Variants in OPCML observed in about 807,000 individuals in gnomAD.
OPCML encodes opioid-binding protein/cell adhesion molecule.
In OPCML, 13 loss-of-function variants were observed where a neutral mutation model predicts 37.8. The ratio of observed to expected loss-of-function variants is 0.34; its 90% confidence interval spans 0.22 to 0.55. OPCML has a LOEUF of 0.55. Ranked by LOEUF, OPCML falls within the 20% of genes least tolerant of loss-of-function variation. The probability of loss-of-function intolerance (pLI) is 0.91; values close to 1 mark genes in which losing one functional copy is unlikely to be tolerated. For missense variants in OPCML, 341 were observed against 435.6 expected (o/e 0.78, Z 1.93); for synonymous variants, 176 against 168.8 (o/e 1.04, Z -0.33).
At chr11:133,243,058 C>T (rs1940788944) in intron 1 of OPCML, among the ~76,000 whole-genome samples, 1 of 152,154 alleles carries the variant, frequency 6.6e-6, no homozygotes, top group Admixed American at 6.5e-5. Flanking sequence ...ATGGGGAGCT[C>T]ATCGTGTGTT....
intron 2 of OPCML, among the ~76,000 whole-genome samples, chr11:132,700,532 T>A (rs573448697): frequency 3.9e-5 from 6 of 152,186 alleles, no homozygotes; most frequent in Non-Finnish European, 5.9e-5. Flanking sequence ...TTTGATTTCT[T>A]CTTTGACCCC....
chr11:132,599,644 A>T (rs543563098), intron 3 of OPCML, among the ~76,000 whole-genome samples: 1 of 152,226 alleles, frequency 6.6e-6, no homozygotes, highest in Non-Finnish European at 1.5e-5. Flanking sequence ...AGAAGCCCCG[A>T]GTGCCTACAC....
intron 1 of OPCML, among the ~76,000 whole-genome samples, chr11:133,278,321 C>CT (rs1942048773): frequency 6.6e-6 from 1 of 151,926 alleles, no homozygotes; most frequent in Non-Finnish European, 1.5e-5. Flanking sequence ...TTTTCTTTTT[C>CT]TTTTTTAGGG....
intron 2 of OPCML, among the ~76,000 whole-genome samples, chr11:132,887,544 C>A (rs1300992144): frequency 6.6e-6 from 1 of 152,186 alleles, no homozygotes; most frequent in Admixed American, 6.5e-5. Context: ...GAGTGTGACT[C>A]CAGCCCGGCC....
intron 3 of OPCML, among the ~76,000 whole-genome samples, chr11:132,550,865 C>T (rs777915037): frequency 1.3e-5 from 2 of 152,186 alleles, no homozygotes; most frequent in Admixed American, 6.5e-5. Flanking sequence ...TGAACAGGAC[C>T]ATGATGTCCC....
chr11:132,663,515 C>T (rs1030392303), intron 2 of OPCML, among the ~76,000 whole-genome samples: 1 of 152,130 alleles, frequency 6.6e-6, no homozygotes, highest in African/African-American at 2.4e-5. Flanking sequence ...GGTATGACAA[C>T]AATTAAATTT....
Position 133,045,748 on chromosome 11 carries a change from C to T in OPCML, c.62-102738G>A, listed in dbSNP as rs562885328. On this transcript the variant is annotated intron_variant, in intron 1 of 7. Coordinates refer to ENST00000524381, the MANE Select transcript of OPCML (RefSeq NM_001012393.5). The stretch of plus-strand genomic sequence containing the variant: ...TCTTCTAGCATGTTAGAGACATTTA[C>T]TCAGGACTTCTCTAAATTAGCTGAG... Among the ~76,000 whole-genome samples the T allele has an allele frequency of 5.3e-5, 8 of 152,320 alleles. 1 individual carries two copies. The South Asian group carries it at 1.7e-3, about 32-fold the overall frequency.
chr11:133,126,011 C>T (rs2137125883), intron 1 of OPCML, among the ~76,000 whole-genome samples: 1 of 149,580 alleles, frequency 6.7e-6, no homozygotes, highest in South Asian at 2.1e-4. Flanking sequence ...TGTATAGACA[C>T]ATATGTGTAT....
chr11:133,132,409 G>A (rs1337516526), intron 1 of OPCML, among the ~76,000 whole-genome samples: 3 of 152,146 alleles, frequency 2.0e-5, no homozygotes, highest in Admixed American at 6.5e-5. Flanking sequence ...GGAGGACTCT[G>A]TCCTCTCATA....
intron 2 of OPCML, among the ~76,000 whole-genome samples, chr11:132,658,291 T>G (rs73593159): frequency 2.6e-5 from 4 of 152,264 alleles, no homozygotes; most frequent in Admixed American, 2.0e-4. Context: ...GAGGAGGGAC[T>G]TGAGTCCAGC....
chr11:133,115,310 A>C (rs1472991874), intron 1 of OPCML, among the ~76,000 whole-genome samples: 1 of 152,210 alleles, frequency 6.6e-6, no homozygotes, highest in Non-Finnish European at 1.5e-5. Flanking sequence ...CAGGACCTAC[A>C]GGGTGTTTGC....
chr11:132,714,523 C>T (rs761267534), intron 2 of OPCML, among the ~76,000 whole-genome samples: 1 of 152,182 alleles, frequency 6.6e-6, no homozygotes, highest in African/African-American at 2.4e-5. Flanking sequence ...TATGGCAGAG[C>T]ACGCAATGCC....
chr11:133,132,530 T>G (rs1949621044), intron 1 of OPCML, among the ~76,000 whole-genome samples: 1 of 152,156 alleles, frequency 6.6e-6, no homozygotes, highest in Non-Finnish European at 1.5e-5. Flanking sequence ...CTTTTAGGCA[T>G]GTACCCAAGA....
rs372856358 is a variant in OPCML, at chr11:132,415,505, T to C, written c.*4688A>G. 4 of 152,204 alleles carry C rather than the reference T, an allele frequency of 2.6e-5. No homozygotes were observed. The East Asian group carries it at 7.7e-4, about 29-fold the overall frequency. The allele number at this position is 152,204 out of a possible 1,614,324, so 9.4% of individuals were successfully genotyped here. ...AGCATTGTTATTACTGATAGCTTTA[T>C]AAATCTGCCAAATAACATAGAATGT... On this transcript the variant is annotated 3_prime_UTR_variant, in exon 8 of 8. Transcript: ENST00000524381.
chr11:132,903,042 T>C (rs1944116958), intron 2 of OPCML, among the ~76,000 whole-genome samples: 1 of 152,190 alleles, frequency 6.6e-6, no homozygotes, highest in African/African-American at 2.4e-5. Flanking sequence ...GAAAACCATT[T>C]CCTACCCCTC....
At chr11:133,166,282 G>C (rs1407421994) in intron 1 of OPCML, among the ~76,000 whole-genome samples, 1 of 152,172 alleles carries the variant, frequency 6.6e-6, no homozygotes, top group Admixed American at 6.5e-5. Context: ...GGTGCTAGGA[G>C]CTGTTATATG....
chr11:132,962,585 C>T (rs1395863122), intron 1 of OPCML, among the ~76,000 whole-genome samples: 1 of 152,170 alleles, frequency 6.6e-6, no homozygotes, highest in Non-Finnish European at 1.5e-5. Context: ...AGAGGGGGCA[C>T]CCAGTTAAAG....
intron 4 of OPCML, among the ~76,000 whole-genome samples, chr11:132,472,540 G>T (rs1384531625): frequency 6.6e-6 from 1 of 152,220 alleles, no homozygotes; most frequent in Non-Finnish European, 1.5e-5. Flanking sequence ...ATATTTCCTA[G>T]CAGCAAAGAC....
At chr11:133,355,909 C>T (rs913064557) in intron 1 of OPCML, among the ~76,000 whole-genome samples, 4 of 152,140 alleles carry the variant, frequency 2.6e-5, no homozygotes, top group Non-Finnish European at 5.9e-5. Flanking sequence ...TCCTAACAGC[C>T]GTGCTAATCA....
Sources: gnomAD v4.1 joint callset for allele counts (sites outside exome capture counted in the v4.1 genomes callset) on GRCh38, gnomAD v4.1.1 for gene constraint, MANE v1.5 for transcripts, NCBI Gene and HGNC (gene_info 2026-07-23, HGNC 2026-07-21) for gene names.